SV2C: variants seen among roughly 807,000 people sequenced by gnomAD.
SV2C encodes the protein solute carrier family 22 member B3.
Under a neutral mutation model 79.7 loss-of-function variants are expected in SV2C, and 49 were observed. The observed-to-expected ratio is 0.61, with a 90% CI of 0.49 to 0.78. SV2C has a LOEUF of 0.78. Ranked by LOEUF, SV2C falls within the 30% of genes least tolerant of loss-of-function variation. The pLI is 0.00. For synonymous variants in SV2C, 334 were observed against 333.2 expected, an observed-to-expected ratio of 1.00 and a Z score of -0.03; for missense variants, 833 against 912.9, an observed-to-expected ratio of 0.91 and a Z score of 1.13.
At chr5:76,102,107 C>A (rs1260662315) in intron 1 of SV2C, among the ~76,000 whole-genome samples, 1 of 152,164 alleles carries the variant, frequency 6.6e-6, no homozygotes, top group Admixed American at 6.5e-5. Context: ...AACACAAAAG[C>A]ACCATGTCTG....
At chr5:76,113,287 T>C (rs1748152079) in intron 1 of SV2C, among the ~76,000 whole-genome samples, 1 of 152,232 alleles carries the variant, frequency 6.6e-6, no homozygotes, top group African/African-American at 2.4e-5. Context: ...AATTGTCTGT[T>C]TGTCTGCTGG....
the SV2C span, among the ~76,000 whole-genome samples, chr5:76,069,078 A>T: frequency 4.6e-5 from 7 of 152,306 alleles, no homozygotes; most frequent in Non-Finnish European, 2.9e-5. Context: ...TATCAAATGG[A>T]TGCATTGCAT....
chr5:75,997,724 G>C, the SV2C span, among the ~76,000 whole-genome samples: 5 of 152,066 alleles, frequency 3.3e-5, no homozygotes, highest in East Asian at 7.7e-4. Flanking sequence ...GAAATAGGAA[G>C]ACTTTTACAC....
At chr5:76,079,329 T>C (rs1301578247), upstream of SV2C, 2 of 326,090 alleles carry the variant, frequency 6.1e-6, no homozygotes, top group East Asian at 8.1e-5. Context: ...ATGGTAGAGA[T>C]TGACCAAATG....
rs780371830 is a variant in SV2C, at chr5:76,195,023, G to C, written c.685G>C (p.Gly229Arg). 1 of 1,613,908 alleles carries C rather than the reference G, an allele frequency of 6.2e-7. No individual in the cohort carries two copies. Residue 229 changes from glycine (G) to arginine (R), a missense_variant, in exon 3 of 13, where the codon GGA becomes CGA. Coordinates refer to ENST00000502798, the MANE Select transcript of SV2C (RefSeq NM_014979.4). ...TCTTCTGATTTGCATGTCTGTCAAC[G>C]GATTCTTTGCCTTCCTTTCTTCATT... ...QSLLICMSVN[G>R]FFAFLSSFVQ...
the SV2C span, among the ~76,000 whole-genome samples, chr5:76,018,403 T>G: frequency 6.6e-6 from 1 of 152,158 alleles, no homozygotes; most frequent in African/African-American, 2.4e-5. Flanking sequence ...TCAAAAAGTC[T>G]TTTCTCCACA....
the SV2C span, among the ~76,000 whole-genome samples, chr5:76,028,527 T>A: frequency 6.6e-6 from 1 of 152,210 alleles, no homozygotes; most frequent in African/African-American, 2.4e-5. Context: ...AATGAAAATG[T>A]CTTCTCTTGT....
chr5:76,072,028 C>T, the SV2C span, among the ~76,000 whole-genome samples: 10 of 151,924 alleles, frequency 6.6e-5, no homozygotes, highest in Non-Finnish European at 1.2e-4. Flanking sequence ...AATCACTGAA[C>T]GAAAAGGAGA....
the SV2C span, among the ~76,000 whole-genome samples, chr5:75,992,930 C>A: frequency 6.6e-6 from 1 of 151,814 alleles, no homozygotes; most frequent in East Asian, 1.9e-4. Context: ...AAAAACAAAA[C>A]CTTACATTAA....
the SV2C span, among the ~76,000 whole-genome samples, chr5:75,904,437 G>T: frequency 6.7e-6 from 1 of 149,248 alleles, no homozygotes; most frequent in Non-Finnish European, 1.5e-5. Context: ...AGAGGCTGTC[G>T]GTGGTCAGTG....
At chr5:76,012,599 C>T in the SV2C span, among the ~76,000 whole-genome samples, 1 of 152,146 alleles carries the variant, frequency 6.6e-6, no homozygotes, top group Non-Finnish European at 1.5e-5. Flanking sequence ...TGCAGAAGCT[C>T]TTTAGTTTAA....
chr5:76,052,707 AC>A, the SV2C span, among the ~76,000 whole-genome samples: 1 of 152,298 alleles, frequency 6.6e-6, no homozygotes, highest in African/African-American at 2.4e-5. Flanking sequence ...GTCTGTCATC[AC>A]CAGCATAGGT....
At chr5:76,271,147 A>G (rs746274944) in intron 4 of SV2C, among the ~76,000 whole-genome samples, 8 of 152,178 alleles carry the variant, frequency 5.3e-5, no homozygotes, top group Non-Finnish European at 8.8e-5. Context: ...TAAAAATTAA[A>G]CGATTCCATT....
At chr5:76,162,785 C>G (rs1023736085) in intron 2 of SV2C, among the ~76,000 whole-genome samples, 2 of 152,200 alleles carry the variant, frequency 1.3e-5, no homozygotes, top group African/African-American at 4.8e-5. Flanking sequence ...TGTCTTTTTA[C>G]TACAGATATG....
chr5:75,939,319 G>A, the SV2C span, among the ~76,000 whole-genome samples: 1 of 152,238 alleles, frequency 6.6e-6, no homozygotes, highest in East Asian at 1.9e-4. Flanking sequence ...CGGCTTCCTG[G>A]AGTGTAGAGG....
the SV2C span, among the ~76,000 whole-genome samples, chr5:75,865,257 C>T: frequency 6.6e-6 from 1 of 152,294 alleles, no homozygotes; most frequent in East Asian, 1.9e-4. Flanking sequence ...ATGGAACAGT[C>T]CATCTGGCAT....
At chr5:75,866,504 A>G in the SV2C span, among the ~76,000 whole-genome samples, 1 of 152,270 alleles carries the variant, frequency 6.6e-6, no homozygotes, top group African/African-American at 2.4e-5. Context: ...GAATATTTCC[A>G]GAATCACAGA....
the SV2C span, among the ~76,000 whole-genome samples, chr5:75,893,775 G>C: frequency 2.6e-5 from 4 of 152,126 alleles, no homozygotes; most frequent in South Asian, 6.2e-4. Flanking sequence ...AAAAACCATT[G>C]AGTTTTGAGC....
chr5:76,254,255 T>TAGAGAG lies in SV2C; in HGVS notation c.914-30906_914-30905insGAGAGA, dbSNP rs1351298346. ...ATGTGTGTGTGTATATATATATATATATAGAGAGAGAGAGAGAGATATTAA... is the reference window on the plus strand; with the variant it reads ...ATGTGTGTGTGTATATATATATATATAGAGAGATAGAGAGAGAGAGAGAGATATTAA... On this transcript the variant is annotated intron_variant, in intron 4 of 12. Transcript: ENST00000502798. Among the ~76,000 whole-genome samples, 562 of 147,800 alleles carry TAGAGAG rather than the reference T, an allele frequency of 3.8e-3. 4 individuals carry two copies. The highest frequency in any genetic ancestry group is 0.012 in the African/African-American group (448 of 38,804).
Sources: allele counts gnomAD v4.1 joint callset (sites outside exome capture counted in the v4.1 genomes callset), GRCh38; gene constraint gnomAD v4.1.1; transcripts MANE v1.5; gene names NCBI Gene and HGNC (gene_info 2026-07-23, HGNC 2026-07-21).